The following PREX2 variants were observed in gnomAD, a reference collection of about 807,000 sequenced individuals.
The protein encoded by PREX2 is phosphatidylinositol 3,4,5-trisphosphate-dependent Rac exchanger 2 protein.
A neutral mutation model predicts 203.2 loss-of-function variants in PREX2; 107 were observed. That is an observed-to-expected ratio of 0.53 (90% CI 0.45 to 0.62). The LOEUF is 0.62. PREX2 is among the 20% of genes least tolerant of loss of function. The pLI, the probability that PREX2 is intolerant of heterozygous loss-of-function variation, is 0.00. For synonymous variants in PREX2, 672 were observed against 663.6 expected (o/e 1.01, Z -0.19); for missense variants, 1,777 against 1,955.9 (o/e 0.91, Z 1.72).
intron 18 of PREX2, among the ~76,000 whole-genome samples, chr8:68,086,094 G>GTTATTC (rs1264068606): frequency 6.6e-6 from 1 of 152,106 alleles, no homozygotes; most frequent in Non-Finnish European, 1.5e-5. Context: ...TTATTCAAAG[G>GTTATTC]AAATGAATAC....
At chr8:68,098,976 A>ATATC (rs1450847535) in intron 22 of PREX2, among the ~76,000 whole-genome samples, 3 of 129,778 alleles carry the variant, frequency 2.3e-5, no homozygotes, top group Non-Finnish European at 3.3e-5. Flanking sequence ...ATATATATAT[A>ATATC]TCTCACATAA....
chr8:68,082,765 T>C (rs1809569003), intron 17 of PREX2: 2 of 154,846 alleles, frequency 1.3e-5, no homozygotes, highest in African/African-American at 2.4e-5. Flanking sequence ...GCTCTCTTCT[T>C]TGGATTCCAG....
At chr8:68,038,037 CT>C in intron 6 of PREX2, 121 bp from the exon 7 acceptor site, 1 of 1,050,562 alleles carries the variant, frequency 9.5e-7, no homozygotes, top group Non-Finnish European at 1.4e-6. Flanking sequence ...ACTGCTTGCA[CT>C]TTAGCCTGTG....
intron 1 of PREX2, among the ~76,000 whole-genome samples, chr8:67,969,042 C>T (rs939822667): frequency 1.3e-5 from 2 of 152,198 alleles, no homozygotes; most frequent in Non-Finnish European, 1.5e-5. Flanking sequence ...CTCTGCTCAG[C>T]GTCTTAATGC....
chr8:68,223,929 T>C (rs80031142), intron 38 of PREX2, among the ~76,000 whole-genome samples: 338 of 152,376 alleles, frequency 2.2e-3, no homozygotes, highest in African/African-American at 7.8e-3. Context: ...CTGTGATTTC[T>C]GTTCCAGAAA....
intron 35 of PREX2, among the ~76,000 whole-genome samples, chr8:68,188,171 G>A (rs1812227225): frequency 6.6e-6 from 1 of 152,098 alleles, no homozygotes; most frequent in Non-Finnish European, 1.5e-5. Flanking sequence ...ACTAGTTTGG[G>A]GACATGACTG....
chr8:68,000,371 G>A (rs1170513172), intron 1 of PREX2, among the ~76,000 whole-genome samples: 2 of 151,930 alleles, frequency 1.3e-5, no homozygotes, highest in South Asian at 2.1e-4. Context: ...ACAAACAAAC[G>A]TAGGTATACA....
intron 1 of PREX2, among the ~76,000 whole-genome samples, chr8:67,960,166 T>G (rs1032841668): frequency 6.6e-6 from 1 of 152,104 alleles, no homozygotes; most frequent in Non-Finnish European, 1.5e-5. Flanking sequence ...CTCAGCCTCC[T>G]GAGTAGCTGG....
intron 6 of PREX2, among the ~76,000 whole-genome samples, chr8:68,037,177 T>C (rs1329830277): frequency 6.6e-6 from 1 of 152,154 alleles, no homozygotes; most frequent in Non-Finnish European, 1.5e-5. Context: ...ATATGAAACA[T>C]TAAAACTAGA....
chr8:68,223,448 G>A (rs1193281089), intron 38 of PREX2: 1 of 152,154 alleles, frequency 6.6e-6, no homozygotes, highest in Non-Finnish European at 1.5e-5. Context: ...TTTTTCTTAA[G>A]TCCTTAATTG....
At chr8:68,052,995 C>A in intron 8 of PREX2, 102 bp from the exon 9 acceptor site, 2 of 982,390 alleles carry the variant, frequency 2.0e-6, no homozygotes, top group Non-Finnish European at 3.0e-6. Flanking sequence ...AGATGTTGAA[C>A]AATTCAGTGG....
intron 10 of PREX2, 99 bp from the exon 11 acceptor site, chr8:68,060,580 T>G: frequency 4.0e-6 from 3 of 741,950 alleles, no homozygotes; most frequent in Non-Finnish European, 6.8e-6. Context: ...CTTTATATTT[T>G]GAGATTCCTT....
At chr8:68,057,431 A>G (rs1485480195) in intron 10 of PREX2, among the ~76,000 whole-genome samples, 1 of 152,112 alleles carries the variant, frequency 6.6e-6, no homozygotes, top group Non-Finnish European at 1.5e-5. Context: ...ACGCTCCCCA[A>G]CCCCCAACTC....
chr8:68,196,326 A>G (rs1421323975), intron 37 of PREX2, among the ~76,000 whole-genome samples: 2 of 149,734 alleles, frequency 1.3e-5, no homozygotes, highest in Non-Finnish European at 3.0e-5. Flanking sequence ...ATAGAAAAAC[A>G]TTCTATTCTG....
intron 1 of PREX2, among the ~76,000 whole-genome samples, chr8:67,992,578 C>G (rs988006658): frequency 2.0e-5 from 3 of 152,158 alleles, no homozygotes; most frequent in Non-Finnish European, 4.4e-5. Context: ...ATTTTTAAGA[C>G]ACAGATTTCT....
intron 35 of PREX2, among the ~76,000 whole-genome samples, chr8:68,174,856 T>G (rs547517296): frequency 5.3e-5 from 8 of 152,318 alleles, no homozygotes; most frequent in African/African-American, 1.9e-4. Context: ...TTGACTCACA[T>G]CATGATGACT....
chr8:68,030,588 A>T lies in PREX2; in HGVS notation c.635A>T (p.Asn212Ile). The T allele has an allele frequency of 6.2e-7, 1 of 1,613,696 alleles. No homozygotes were observed. Among genetic ancestry groups the T allele is most frequent in the South Asian group, 1.1e-5 (1 of 91,058 alleles). The change falls in exon 6 of 40, where the codon AAC becomes ATC. Residue 212 changes from asparagine to isoleucine, a missense_variant. Asn to Ile is a moderately radical substitution (Grantham distance 149). Transcript: ENST00000288368. ...QAMKAVCSNI[N>I]EAKRQMEKLE... The stretch of plus-strand genomic sequence containing the variant: ...ATGAAAGCTGTCTGTTCCAACATAA[A>T]CGAGGCCAAGAGACAGATGGAGAAG...
chr8:68,179,691 C>T (rs527702288), intron 35 of PREX2, among the ~76,000 whole-genome samples: 15 of 152,234 alleles, frequency 9.9e-5, no homozygotes, highest in African/African-American at 3.6e-4. Context: ...TGTCTCTTGT[C>T]TGCTGCTCTA....
chr8:67,953,761 A>G (rs910879244), intron 1 of PREX2, among the ~76,000 whole-genome samples: 1 of 152,232 alleles, frequency 6.6e-6, no homozygotes, highest in African/African-American at 2.4e-5. Context: ...CTTGACTTCC[A>G]GGGGCCACAT....
Sources: allele counts gnomAD v4.1 joint callset (sites outside exome capture counted in the v4.1 genomes callset), GRCh38; gene constraint gnomAD v4.1.1; transcripts MANE v1.5; gene names NCBI Gene and HGNC (gene_info 2026-07-23, HGNC 2026-07-21).